Variants in GALNT18 observed in about 807,000 individuals in gnomAD.
The protein encoded by GALNT18 is GalNAc-transferase 18.
GALNT18 carries 44 observed loss-of-function variants against 69.5 expected under a neutral mutation model. The observed-to-expected ratio is 0.63, with a 90% CI of 0.50 to 0.81. The LOEUF (loss-of-function observed/expected upper bound fraction) is 0.81. Ranked by LOEUF, GALNT18 falls within the 40% of genes least tolerant of loss-of-function variation. GALNT18 has a pLI of 0.00. For synonymous variants in GALNT18, 364 were observed against 318.2 expected (o/e 1.14, Z -1.53); for missense variants, 715 against 810.0 (o/e 0.88, Z 1.42).
intron 6 of GALNT18, chr11:11,352,217 C>A (rs773576686): frequency 2.5e-6 from 4 of 1,613,724 alleles, no homozygotes; most frequent in Non-Finnish European, 3.4e-6. Context: ...GCAGTTTGTC[C>A]AGGAAATCCA....
At chr11:11,305,893 C>T (rs1163291520) in intron 9 of GALNT18, among the ~76,000 whole-genome samples, 1 of 152,164 alleles carries the variant, frequency 6.6e-6, no homozygotes, top group East Asian at 1.9e-4. Flanking sequence ...ATAAATTATT[C>T]CAGGGACATT....
rs936761070 is a variant in GALNT18, at chr11:11,563,031, C to T, written c.235+58328G>A. Among the ~76,000 whole-genome samples, 15 of 152,272 alleles carry T rather than the reference C, an allele frequency of 9.9e-5. No individual in the cohort carries two copies. Among genetic ancestry groups the T allele is most frequent in the African/African-American group, 2.9e-4 (12 of 41,552 alleles). The stretch of plus-strand genomic sequence containing the variant: ...CTACAATTTGCCAACTTGGTCCTGA[C>T]GTTTTGTGCTTCATGGCTTCCCTAT... On this transcript the variant is annotated intron_variant, in intron 1 of 10. Coordinates refer to ENST00000227756, the MANE Select transcript of GALNT18 (RefSeq NM_198516.3). This position sits in a 1 kb window ranked among gnomAD's most constrained non-coding sequence, Gnocchi z 4.6.
chr11:11,327,033 T>G lies in GALNT18; in HGVS notation c.1512+53A>C, dbSNP rs1253107632. On this transcript the variant is annotated intron_variant, in intron 9 of 10. Transcript: ENST00000227756. ...GACAGAGCCTAGCTCTCCTTCCCCATGCCAGGCACTCATATGCACACTCCT... is the reference window on the plus strand; with the variant it reads ...GACAGAGCCTAGCTCTCCTTCCCCAGGCCAGGCACTCATATGCACACTCCT... 13 of 1,293,710 alleles carry G rather than the reference T, an allele frequency of 1.0e-5. No homozygotes were observed. The East Asian group carries it at 2.1e-4, about 21-fold the overall frequency. 80.1% of individuals were successfully genotyped at this position (1,293,710 alleles called of 1,614,324 possible).
chr11:11,351,412 A>G (rs1850400222), intron 6 of GALNT18, among the ~76,000 whole-genome samples: 1 of 152,194 alleles, frequency 6.6e-6, no homozygotes, highest in Admixed American at 6.5e-5. Flanking sequence ...CCACTTACGC[A>G]AGAGGGAGCC....
rs538695539 is a variant in GALNT18, at chr11:11,341,782, C to T, written c.1093-778G>A. On this transcript the variant is annotated intron_variant, in intron 6 of 10. Coordinates refer to ENST00000227756, the MANE Select transcript of GALNT18 (RefSeq NM_198516.3). This position sits in a 1 kb window ranked among gnomAD's most constrained non-coding sequence, Gnocchi z 6.3. The stretch of plus-strand genomic sequence containing the variant: ...CATTCTGCTGGTAATTTTAGAATGC[C>T]CCACTGCCCCCAACTCCTTCTTCAG... Among the ~76,000 whole-genome samples the T allele has an allele frequency of 2.0e-5, 3 of 151,968 alleles. No homozygotes were observed. Among genetic ancestry groups the T allele is most frequent in the South Asian group, 4.2e-4 (2 of 4,786 alleles).
rs145018420 is a variant in GALNT18, at chr11:11,320,692, C to G, written c.1512+6394G>C. 6.6e-6 allele frequency among the ~76,000 whole-genome samples: 1 copy of G among 152,332 alleles called. No homozygotes were observed. Among genetic ancestry groups the G allele is most frequent in the East Asian group, 1.9e-4 (1 of 5,186 alleles). Reference sequence around the variant, plus strand: ...GCCTTGCCAGACAGCAGCCCCTTACCTTTCACTCATCCCCTGCCCCTGCGT... The same window carrying G: ...GCCTTGCCAGACAGCAGCCCCTTACGTTTCACTCATCCCCTGCCCCTGCGT... On this transcript the variant is annotated intron_variant, in intron 9 of 10. Transcript: ENST00000227756. This position sits in a 1 kb window ranked among gnomAD's most constrained non-coding sequence, Gnocchi z 4.9.
chr11:11,572,090 T>C (rs1199728896), intron 1 of GALNT18, among the ~76,000 whole-genome samples: 1 of 152,212 alleles, frequency 6.6e-6, no homozygotes, highest in Admixed American at 6.5e-5. Flanking sequence ...TTTTCCTGGT[T>C]CTCCAGCTCT....
chr11:11,504,389 C>G (rs1214938904), intron 1 of GALNT18, among the ~76,000 whole-genome samples: 5 of 151,872 alleles, frequency 3.3e-5, no homozygotes, highest in African/African-American at 1.2e-4. Flanking sequence ...TAGTGAGTAA[C>G]AAGCATTTTA....
intron 1 of GALNT18, among the ~76,000 whole-genome samples, chr11:11,481,457 T>C (rs1189299021): frequency 2.6e-5 from 4 of 152,210 alleles, no homozygotes; most frequent in Admixed American, 6.5e-5. Flanking sequence ...GCAGCCAGCA[T>C]GCTGGGAGAT....
Position 11,591,164 on chromosome 11 carries a change from G to A in GALNT18, c.235+30195C>T, listed in dbSNP as rs1484634402. On this transcript the variant is annotated intron_variant, in intron 1 of 10. Transcript: ENST00000227756. This position sits in a 1 kb window ranked among gnomAD's most constrained non-coding sequence, Gnocchi z 4.8. Reference sequence around the variant, plus strand: ...ACTCTGTAGGCCTAGGCTACCGTGTGTGTGTGTGTGTGTGTGTGTGTTAGT... The same window carrying A: ...ACTCTGTAGGCCTAGGCTACCGTGTATGTGTGTGTGTGTGTGTGTGTTAGT... Among the ~76,000 whole-genome samples, 1 of 151,582 alleles carries A rather than the reference G, an allele frequency of 6.6e-6. No homozygotes were observed. The highest frequency in any genetic ancestry group is 1.5e-5 in the Non-Finnish European group (1 of 67,886).
chr11:11,425,080 G>A (rs548292394), intron 3 of GALNT18, among the ~76,000 whole-genome samples: 1 of 152,360 alleles, frequency 6.6e-6, no homozygotes, highest in Non-Finnish European at 1.5e-5. Flanking sequence ...TAGGTCCGCA[G>A]TTTCCTCCCA....
At chr11:11,412,596 C>T (rs530155982) in intron 3 of GALNT18, among the ~76,000 whole-genome samples, 2 of 152,362 alleles carry the variant, frequency 1.3e-5, no homozygotes, top group South Asian at 4.1e-4. Context: ...GCATGACCTG[C>T]AGAGGTTCCA....
intron 1 of GALNT18, among the ~76,000 whole-genome samples, chr11:11,525,945 A>G (rs1052198454): frequency 6.6e-6 from 1 of 152,094 alleles, no homozygotes; most frequent in African/African-American, 2.4e-5. Flanking sequence ...CGCATATCAC[A>G]TTTGAGGTGT....
chr11:11,510,362 A>G lies in GALNT18; in HGVS notation c.236-61426T>C, dbSNP rs138976454. Among the ~76,000 whole-genome samples, 527 of 152,324 alleles carry G rather than the reference A, an allele frequency of 3.5e-3. 7 individuals are homozygous for G. Among genetic ancestry groups the G allele is most frequent in the African/African-American group, 0.012 (490 of 41,560 alleles). The stretch of plus-strand genomic sequence containing the variant: ...GAAGGGCAGGTCAGAAGCATTAAAT[A>G]TGAAACCAGGTAAAGCTCCCTACCC... On this transcript the variant is annotated intron_variant, in intron 1 of 10. Coordinates refer to ENST00000227756, the MANE Select transcript of GALNT18 (RefSeq NM_198516.3).
At chr11:11,351,828 C>T (rs1294574966) in intron 6 of GALNT18, 16 of 819,456 alleles carry the variant, frequency 2.0e-5, no homozygotes, top group South Asian at 5.5e-5. Context: ...CCACAAGCAA[C>T]GGTTCAGACA....
intron 10 of GALNT18, among the ~76,000 whole-genome samples, chr11:11,283,850 T>C (rs552779286): frequency 4.6e-5 from 7 of 152,264 alleles, no homozygotes; most frequent in Non-Finnish European, 7.4e-5. Flanking sequence ...CCAAATTAAA[T>C]ATGGAAACAT....
chr11:11,358,067 TC>T (rs751120846), intron 6 of GALNT18, among the ~76,000 whole-genome samples: 3 of 143,122 alleles, frequency 2.1e-5, no homozygotes, highest in Non-Finnish European at 3.1e-5. Context: ...GATCACACTG[TC>T]CCTGCCTCCA....
At chr11:11,276,204 T>G (rs116267154) in intron 10 of GALNT18, among the ~76,000 whole-genome samples, 22,947 of 152,210 alleles carry the variant, frequency 0.15, 2,063 homozygotes, top group South Asian at 0.25. Flanking sequence ...CTCTCTCATG[T>G]CCTTGAGCAG....
In GALNT18 at chr11:11,444,319, G is replaced by A. The variant is rs999980206; in HGVS notation, c.428+4425C>T. Among the ~76,000 whole-genome samples, 1 of 152,158 alleles carries A rather than the reference G, an allele frequency of 6.6e-6. No individual in the cohort carries two copies. The highest frequency in any genetic ancestry group is 1.5e-5 in the Non-Finnish European group (1 of 68,044). ...GTGCTTCTGTGACCATCACATCCAG[G>A]CCACTGCCTTACTAAAAGCCTGCGA... On this transcript the variant is annotated intron_variant, in intron 2 of 10. Transcript: ENST00000227756. This position sits in a 1 kb window ranked among gnomAD's most constrained non-coding sequence, Gnocchi z 4.4.
Sources: gnomAD v4.1 joint callset for allele counts (sites outside exome capture counted in the v4.1 genomes callset) on GRCh38, gnomAD v4.1.1 for gene constraint, Gnocchi (gnomAD v3.1) non-coding constraint, MANE v1.5 for transcripts, NCBI Gene and HGNC (gene_info 2026-07-23, HGNC 2026-07-21) for gene names.